Variants in ASCC3 observed in about 807,000 individuals in gnomAD.
ASCC3 encodes activating signal cointegrator 1 complex subunit 3, also known as ASC-1 complex subunit P200.
A neutral mutation model predicts 256.3 loss-of-function variants in ASCC3; 158 were observed. The observed-to-expected ratio is 0.62, with a 90% CI of 0.54 to 0.70. The LOEUF (loss-of-function observed/expected upper bound fraction) is 0.70, where lower values mean the gene tolerates loss of function less well. Among genes scored for constraint, ASCC3 ranks in the 30% least tolerant of loss-of-function variants. The probability of loss-of-function intolerance (pLI) is 0.00; values close to 1 mark genes in which losing one functional copy is unlikely to be tolerated. For missense variants in ASCC3, 2,259 were observed against 2,626.0 expected, an observed-to-expected ratio of 0.86 and a Z score of 3.05; for synonymous variants, 948 against 883.4, an observed-to-expected ratio of 1.07 and a Z score of -1.30.
At chr6:100,530,133 A>G (rs1324632687) in intron 37 of ASCC3, 1 of 553,042 alleles carries the variant, frequency 1.8e-6, no homozygotes, top group East Asian at 3.0e-5. Context: ...ATCAGTGTAC[A>G]CTGTCACATT....
At chr6:100,555,187 C>A (rs1470256010) in intron 36 of ASCC3, among the ~76,000 whole-genome samples, 1 of 151,660 alleles carries the variant, frequency 6.6e-6, no homozygotes, top group African/African-American at 2.4e-5. Context: ...TAAAATCCAG[C>A]TAATTAAAAA....
intron 13 of ASCC3, among the ~76,000 whole-genome samples, chr6:100,691,592 A>G (rs1777851997): frequency 6.6e-6 from 1 of 152,038 alleles, no homozygotes; most frequent in Non-Finnish European, 1.5e-5. Flanking sequence ...TTTCTTGAAC[A>G]TAGACTATGT....
intron 8 of ASCC3, among the ~76,000 whole-genome samples, chr6:100,775,996 TAAG>T (rs1782167805): frequency 6.6e-6 from 1 of 152,104 alleles, no homozygotes; most frequent in Non-Finnish European, 1.5e-5. Flanking sequence ...TGCTTTAAGT[TAAG>T]AAAACAAATG....
chr6:100,824,927 A>C (rs748680817), intron 4 of ASCC3, among the ~76,000 whole-genome samples: 1 of 152,134 alleles, frequency 6.6e-6, no homozygotes, highest in Non-Finnish European at 1.5e-5. Flanking sequence ...TGCAAGCTTA[A>C]TGTGAATAAA....
intron 36 of ASCC3, among the ~76,000 whole-genome samples, chr6:100,553,456 C>G (rs1486082812): frequency 1.3e-5 from 2 of 151,978 alleles, no homozygotes; most frequent in African/African-American, 4.8e-5. Context: ...GGGATTGAAG[C>G]TGAATGGAGG....
chr6:100,516,407 T>G, intron 38 of ASCC3, 80 bp from the exon 39 acceptor site: 2 of 1,521,214 alleles, frequency 1.3e-6, no homozygotes, highest in African/African-American at 2.8e-5. Flanking sequence ...TTTATATAAT[T>G]ATAGCTTTTT....
intron 3 of ASCC3, 76 bp from the exon 4 acceptor site, chr6:100,848,783 C>T (rs1772516029): frequency 4.3e-6 from 6 of 1,384,548 alleles, no homozygotes; most frequent in African/African-American, 2.8e-5. Flanking sequence ...AAAATTACCA[C>T]AAATATTCTC....
At chr6:100,675,949 T>C (rs1776986273) in intron 14 of ASCC3, among the ~76,000 whole-genome samples, 1 of 152,136 alleles carries the variant, frequency 6.6e-6, no homozygotes, top group African/African-American at 2.4e-5. Context: ...TAACTTAAAA[T>C]TAAAATCACA....
At chr6:100,836,625 C>T (rs1562332817) in intron 4 of ASCC3, among the ~76,000 whole-genome samples, 1 of 152,122 alleles carries the variant, frequency 6.6e-6, no homozygotes, top group South Asian at 2.1e-4. Context: ...CTTTAATGTG[C>T]TTTTGAATTT....
intron 17 of ASCC3, among the ~76,000 whole-genome samples, chr6:100,654,175 T>C (rs1775809026): frequency 6.6e-6 from 1 of 152,048 alleles, no homozygotes; most frequent in Admixed American, 6.6e-5. Context: ...GTTCAACTTA[T>C]AAAACTATTT....
chr6:100,816,348 T>C (rs1320133614), intron 4 of ASCC3, among the ~76,000 whole-genome samples: 1 of 152,088 alleles, frequency 6.6e-6, no homozygotes, highest in Non-Finnish European at 1.5e-5. Flanking sequence ...GAAAGCAGTG[T>C]GGCAATTCCT....
chr6:100,847,442 C>T lies in ASCC3; in HGVS notation c.801+706G>A, dbSNP rs950669055. On this transcript the variant is annotated intron_variant, in intron 4 of 41. Transcript: ENST00000369162. ...CAAACTAATGTTAGTTGGCATAACA[C>T]CTATGGGTTAAGTCCTCCAATACCT... Among the ~76,000 whole-genome samples the T allele has an allele frequency of 6.6e-5, 10 of 152,046 alleles. No homozygotes were observed. In the East Asian group the frequency reaches 7.7e-4, roughly 12 times the overall value.
At chr6:100,602,690 T>C (rs530046497) in intron 33 of ASCC3, among the ~76,000 whole-genome samples, 1 of 152,152 alleles carries the variant, frequency 6.6e-6, no homozygotes, top group Non-Finnish European at 1.5e-5. Context: ...AATATTAAAG[T>C]CCCTAGTCAT....
chr6:100,577,441 C>G (rs901075757), intron 36 of ASCC3, among the ~76,000 whole-genome samples: 3 of 152,060 alleles, frequency 2.0e-5, no homozygotes, highest in Admixed American at 6.6e-5. Context: ...TTCTAACATT[C>G]GAGTAACTCA....
At chr6:100,832,812 C>T (rs2114462664) in intron 4 of ASCC3, among the ~76,000 whole-genome samples, 1 of 151,980 alleles carries the variant, frequency 6.6e-6, no homozygotes, top group Middle Eastern at 3.4e-3. Flanking sequence ...AACCCAAAAG[C>T]TTAGAAACTA....
intron 14 of ASCC3, among the ~76,000 whole-genome samples, chr6:100,679,125 C>G (rs1365400311): frequency 6.6e-6 from 1 of 151,640 alleles, no homozygotes; most frequent in Non-Finnish European, 1.5e-5. Context: ...GCAGGTGACC[C>G]CAAGACCTTT....
intron 36 of ASCC3, among the ~76,000 whole-genome samples, chr6:100,566,817 C>T (rs552921864): frequency 6.6e-6 from 1 of 151,258 alleles, no homozygotes; most frequent in East Asian, 1.9e-4. Flanking sequence ...CTCCCTAGCT[C>T]CATGTAAGGA....
At chr6:100,704,847 C>A (rs12216199) in intron 13 of ASCC3, among the ~76,000 whole-genome samples, 66,685 of 151,742 alleles carry the variant, frequency 0.44, 14,867 homozygotes, top group South Asian at 0.6. Flanking sequence ...TGGAAAAGAA[C>A]CTAAATTAAC....
At chr6:100,659,974 C>G (rs567393130) in intron 16 of ASCC3, among the ~76,000 whole-genome samples, 1 of 151,652 alleles carries the variant, frequency 6.6e-6, no homozygotes, top group South Asian at 2.1e-4. Context: ...GGATTTAAGG[C>G]CTCTACATTT....
Sources: gnomAD v4.1 joint callset for allele counts (sites outside exome capture counted in the v4.1 genomes callset) on GRCh38, gnomAD v4.1.1 for gene constraint, MANE v1.5 for transcripts, NCBI Gene and HGNC (gene_info 2026-07-23, HGNC 2026-07-21) for gene names.